GATAD2B: variants seen among roughly 807,000 people sequenced by gnomAD.
GATAD2B encodes the protein transcriptional repressor p66-beta.
A neutral mutation model predicts 64.3 loss-of-function variants in GATAD2B; 8 were observed. The ratio of observed to expected loss-of-function variants is 0.12; its 90% CI spans 0.07 to 0.22. GATAD2B has a LOEUF of 0.22. Ranked by LOEUF, GATAD2B falls within the 10% of genes least tolerant of loss-of-function variation. The probability of loss-of-function intolerance (pLI) is 1.00; values close to 1 mark genes in which losing one functional copy is unlikely to be tolerated. For synonymous variants in GATAD2B, 281 were observed against 271.3 expected, an observed-to-expected ratio of 1.04 and a Z score of -0.35; for missense variants, 453 against 752.0, an observed-to-expected ratio of 0.60 and a Z score of 4.65.
chr1:153,826,115 T>A (rs1674868875), intron 2 of GATAD2B, among the ~76,000 whole-genome samples: 1 of 151,958 alleles, frequency 6.6e-6, no homozygotes, highest in Non-Finnish European at 1.5e-5. Context: ...ACCATTCTCC[T>A]GCCTCAGCCT....
chr1:153,892,018 C>G (rs1286456569), intron 1 of GATAD2B, among the ~76,000 whole-genome samples: 1 of 151,480 alleles, frequency 6.6e-6, no homozygotes. Context: ...AAAAATTAGC[C>G]AGGCATGGCG....
At chr1:153,867,892 G>A (rs902994068) in intron 1 of GATAD2B, among the ~76,000 whole-genome samples, 3 of 150,596 alleles carry the variant, frequency 2.0e-5, no homozygotes, top group Admixed American at 6.6e-5. Flanking sequence ...CACCATATTA[G>A]AAACAGAATT....
chr1:153,895,655 T>C (rs1677566335), intron 1 of GATAD2B, among the ~76,000 whole-genome samples: 1 of 151,808 alleles, frequency 6.6e-6, no homozygotes, highest in Non-Finnish European at 1.5e-5. Context: ...AGGAGACATG[T>C]TACTAAAAAT....
rs1674191312 is a variant in GATAD2B at position 153,808,873 on chromosome 1, T to C, written c.*1304A>G. The C allele has an allele frequency of 1.3e-5, 2 of 152,166 alleles. No homozygotes were observed. The highest frequency in any genetic ancestry group is 2.1e-4 in the South Asian group (1 of 4,818). 9.4% of individuals were successfully genotyped at this position (152,166 alleles called of 1,614,324 possible). A position where few individuals can be genotyped will look rare whatever the true frequency, so the allele number is the denominator to read the frequency against. ...GCGGGGGGCAGTGGGAAGCAACTAT[T>C]TGTACAGCAGAGGTCCTAAGCTGGT... On this transcript the variant is annotated 3_prime_UTR_variant, in exon 11 of 11. Coordinates refer to ENST00000368655, the MANE Select transcript of GATAD2B (RefSeq NM_020699.4).
chr1:153,853,500 G>A (rs1675980956), intron 1 of GATAD2B: 3 of 362,758 alleles, frequency 8.3e-6, no homozygotes, highest in Admixed American at 4.0e-5. Flanking sequence ...AGTTGTATGA[G>A]TTCCTTACAT....
chr1:153,893,635 C>G (rs1677489231), intron 1 of GATAD2B, among the ~76,000 whole-genome samples: 1 of 151,208 alleles, frequency 6.6e-6, no homozygotes, highest in Non-Finnish European at 1.5e-5. Context: ...ATAAGTTTAC[C>G]CCTTCCCCTA....
At chr1:153,912,385 T>G (rs559958053) in intron 1 of GATAD2B, among the ~76,000 whole-genome samples, 1 of 143,074 alleles carries the variant, frequency 7.0e-6, no homozygotes, top group South Asian at 2.3e-4. Context: ...TACACTCAGG[T>G]GAGAAACTGA....
intron 1 of GATAD2B, among the ~76,000 whole-genome samples, chr1:153,909,111 G>A (rs942381664): frequency 1.3e-5 from 2 of 152,092 alleles, no homozygotes; most frequent in East Asian, 1.9e-4. Flanking sequence ...AGACTAAGGC[G>A]CAAGAATCAC....
intron 1 of GATAD2B, among the ~76,000 whole-genome samples, chr1:153,839,360 G>A (rs1021517735): frequency 6.6e-6 from 1 of 151,806 alleles, no homozygotes; most frequent in African/African-American, 2.4e-5. Flanking sequence ...GAATGAAGAG[G>A]GTGAACAAAA....
intron 1 of GATAD2B, among the ~76,000 whole-genome samples, chr1:153,898,659 C>T (rs1234224699): frequency 1.2e-4 from 19 of 152,162 alleles, no homozygotes; most frequent in African/African-American, 4.3e-4. Context: ...AACCTTCCTA[C>T]TCTGACCCTA....
At chr1:153,902,956 G>T (rs766950702) in intron 1 of GATAD2B, among the ~76,000 whole-genome samples, 1 of 152,128 alleles carries the variant, frequency 6.6e-6, no homozygotes, top group East Asian at 1.9e-4. Context: ...GGTGGCTCAC[G>T]CCTATAATCC....
chr1:153,879,628 T>C (rs750525165), intron 1 of GATAD2B, among the ~76,000 whole-genome samples: 21 of 151,946 alleles, frequency 1.4e-4, no homozygotes, highest in Non-Finnish European at 2.4e-4. Context: ...CTGGGCATGG[T>C]GGCGCAGGCC....
intron 1 of GATAD2B, among the ~76,000 whole-genome samples, chr1:153,919,935 T>TA (rs1312336749): frequency 6.6e-6 from 1 of 152,256 alleles, no homozygotes; most frequent in Non-Finnish European, 1.5e-5. Flanking sequence ...GCTCAAATCT[T>TA]ACGATTTCTC....
intron 1 of GATAD2B, among the ~76,000 whole-genome samples, 171 bp downstream of exon 1, chr1:153,922,562 G>T (rs1258947530): frequency 6.6e-6 from 1 of 150,552 alleles, no homozygotes; most frequent in Non-Finnish European, 1.5e-5. Flanking sequence ...CGCAAGGCGG[G>T]GGCGCGCGGG....
intron 1 of GATAD2B, among the ~76,000 whole-genome samples, chr1:153,860,446 C>T (rs1380794214): frequency 6.6e-6 from 1 of 151,580 alleles, no homozygotes; most frequent in Non-Finnish European, 1.5e-5. Context: ...GCAATCCTCC[C>T]ACCTTAGCTT....
chr1:153,919,783 C>A (rs543946323), intron 1 of GATAD2B, among the ~76,000 whole-genome samples: 1 of 152,322 alleles, frequency 6.6e-6, no homozygotes, highest in Non-Finnish European at 1.5e-5. Context: ...GATTTACAGT[C>A]AATCTGGGTG....
rs1373958204 is a variant in GATAD2B at position 153,806,994 on chromosome 1, A to G, written c.*3183T>C. 2 of 152,324 alleles carry G rather than the reference A, an allele frequency of 1.3e-5. No homozygotes were observed. Among genetic ancestry groups the G allele is most frequent in the African/African-American group, 4.8e-5 (2 of 41,566 alleles). The allele number at this position is 152,324 out of a possible 1,614,324, so 9.4% of individuals were successfully genotyped here. On this transcript the variant is annotated 3_prime_UTR_variant, in exon 11 of 11. Coordinates refer to ENST00000368655, the MANE Select transcript of GATAD2B (RefSeq NM_020699.4). ...CCATACATATATCCAAAAATGTGGG[A>G]AAAATACTTATTCCAGGGAGAGAGG...
intron 1 of GATAD2B, among the ~76,000 whole-genome samples, chr1:153,848,877 C>T (rs748034207): frequency 6.6e-5 from 10 of 152,164 alleles, no homozygotes; most frequent in Admixed American, 2.0e-4. Flanking sequence ...TGCTTGAACC[C>T]GGGAGGCAGA....
At chr1:153,826,746 C>T (rs1674892118) in intron 2 of GATAD2B, among the ~76,000 whole-genome samples, 1 of 151,888 alleles carries the variant, frequency 6.6e-6, no homozygotes, top group African/African-American at 2.4e-5. Context: ...TTGAGACCAG[C>T]CTGGGCAACA....
Sources: gnomAD v4.1 joint callset for allele counts (sites outside exome capture counted in the v4.1 genomes callset) on GRCh38, gnomAD v4.1.1 for gene constraint, MANE v1.5 for transcripts, NCBI Gene and HGNC (gene_info 2026-07-23, HGNC 2026-07-21) for gene names.